USP24: variants seen among roughly 807,000 people sequenced by gnomAD.
The protein encoded by USP24 is ubiquitin specific peptidase 24.
USP24 carries 97 observed loss-of-function variants against 361.6 expected under a neutral mutation model. That is an observed-to-expected ratio of 0.27 (90% CI 0.23 to 0.32). The LOEUF is 0.32. USP24 is among the 10% of genes least tolerant of loss of function. The pLI, the probability that USP24 is intolerant of heterozygous loss-of-function variation, is 1.00. For synonymous variants in USP24, 1,098 were observed against 1,124.6 expected (o/e 0.98, Z 0.47); for missense variants, 2,353 against 3,165.6 (o/e 0.74, Z 6.16).
At chr1:55,174,404 G>C (rs149201426) in intron 3 of USP24, among the ~76,000 whole-genome samples, 1 of 152,154 alleles carries the variant, frequency 6.6e-6, no homozygotes, top group Non-Finnish European at 1.5e-5. Flanking sequence ...TTGACGGGGA[G>C]GAGAACCTTT....
At chr1:55,199,253 C>G (rs1160213790) in intron 1 of USP24, among the ~76,000 whole-genome samples, 1 of 151,822 alleles carries the variant, frequency 6.6e-6, no homozygotes, top group East Asian at 1.9e-4. Flanking sequence ...TGCACCACTG[C>G]ACTTTAGCTT....
intron 38 of USP24, among the ~76,000 whole-genome samples, chr1:55,115,230 GA>G (rs1254375550): frequency 6.6e-6 from 1 of 151,930 alleles, no homozygotes; most frequent in Admixed American, 6.6e-5. Flanking sequence ...CATTAAAAAG[GA>G]AACAAGGCCG....
intron 5 of USP24, among the ~76,000 whole-genome samples, chr1:55,170,371 G>A (rs1649322908): frequency 1.3e-5 from 2 of 152,136 alleles, no homozygotes; most frequent in Non-Finnish European, 2.9e-5. Flanking sequence ...AACATCTGCT[G>A]AGCGCTCACT....
rs191149870 is a variant in USP24, at chr1:55,129,583, C to G, written c.3538-9G>C. The G allele has an allele frequency of 6.2e-7, 1 of 1,608,468 alleles. No homozygotes were observed. Among genetic ancestry groups the G allele is most frequent in the East Asian group, 2.2e-5 (1 of 44,832 alleles). On this transcript the variant is annotated splice_polypyrimidine_tract_variant and intron_variant, in intron 31 of 67. Transcript: ENST00000294383. Reference sequence around the variant, plus strand: ...AGTTTGGAGCTTAGAACCTAGGGAACAGATAAGCACAATTATTCATCCACA... The same window carrying G: ...AGTTTGGAGCTTAGAACCTAGGGAAGAGATAAGCACAATTATTCATCCACA...
chr1:55,193,863 T>C (rs2100888199), intron 1 of USP24, among the ~76,000 whole-genome samples: 1 of 152,306 alleles, frequency 6.6e-6, no homozygotes, highest in South Asian at 2.1e-4. Flanking sequence ...GTCACATTTC[T>C]TATGGTCACT....
chr1:55,180,774 G>A (rs1050590407), intron 1 of USP24, among the ~76,000 whole-genome samples: 8 of 152,122 alleles, frequency 5.3e-5, no homozygotes, highest in Non-Finnish European at 8.8e-5. Context: ...ACTACTCACA[G>A]GTGTAATTTT....
Position 55,208,457 on chromosome 1 carries a change from G to A in USP24, c.324+6333C>T, listed in dbSNP as rs190885824. Among the ~76,000 whole-genome samples the A allele has an allele frequency of 3.4e-3, 489 of 145,692 alleles. 3 individuals carry two copies. The highest frequency in any genetic ancestry group is 0.012 in the African/African-American group (469 of 39,294). ...AGCCTGGCCAACATGGTGAAACCCC[G>A]TCTCTACTGAAAATATGAAAATTAG... On this transcript the variant is annotated intron_variant, in intron 1 of 67. Transcript: ENST00000294383.
At chr1:55,083,244 C>T (rs1418860473) in intron 58 of USP24, 28 bp downstream of exon 58, 1 of 1,604,682 alleles carries the variant, frequency 6.2e-7, no homozygotes, top group Admixed American at 1.7e-5. Flanking sequence ...CATAGCTATT[C>T]CACTAGGGAT....
chr1:55,119,061 C>T (rs975607710), intron 38 of USP24, among the ~76,000 whole-genome samples: 1 of 152,188 alleles, frequency 6.6e-6, no homozygotes, highest in Non-Finnish European at 1.5e-5. Context: ...CTAGCAATTC[C>T]ACTTCTGGGT....
At chr1:55,106,052 T>C (rs1029580464) in intron 41 of USP24, 94 bp downstream of exon 41, 43 of 952,428 alleles carry the variant, frequency 4.5e-5, no homozygotes, top group Middle Eastern at 4.2e-4. Flanking sequence ...GACTCACAGA[T>C]GGAAGACAAA....
intron 33 of USP24, 42 bp downstream of exon 33, chr1:55,125,621 T>A (rs1314352438): frequency 6.3e-7 from 1 of 1,576,564 alleles, no homozygotes; most frequent in Non-Finnish European, 8.6e-7. Flanking sequence ...GAAGAAAAAG[T>A]CAAGTATTGC....
chr1:55,204,621 T>C (rs1644658868), intron 1 of USP24, among the ~76,000 whole-genome samples: 1 of 152,206 alleles, frequency 6.6e-6, no homozygotes, highest in African/African-American at 2.4e-5. Context: ...TCAAGACCTC[T>C]CTCTAGCTTC....
At chr1:55,143,268 T>C in intron 21 of USP24, 149 bp from the exon 22 acceptor site, 1 of 612,232 alleles carries the variant, frequency 1.6e-6, no homozygotes, top group Non-Finnish European at 2.6e-6. Flanking sequence ...ATGAAAATAA[T>C]ATTATACTGA....
intron 23 of USP24, among the ~76,000 whole-genome samples, chr1:55,142,196 T>A (rs1322194492): frequency 2.6e-5 from 4 of 152,162 alleles, no homozygotes; most frequent in African/African-American, 4.8e-5. Context: ...CTTAAGCATA[T>A]CAACTGAATA....
chr1:55,145,543 G>A (rs1166362203), intron 20 of USP24, among the ~76,000 whole-genome samples: 1 of 152,114 alleles, frequency 6.6e-6, no homozygotes, highest in Non-Finnish European at 1.5e-5. Context: ...GTTTATTTTT[G>A]GGGTAATGAA....
intron 1 of USP24, among the ~76,000 whole-genome samples, chr1:55,187,425 G>C (rs557612862): frequency 1.3e-5 from 2 of 152,148 alleles, no homozygotes; most frequent in Non-Finnish European, 2.9e-5. Context: ...ATTCAACACT[G>C]CACTGGAGTG....
At chr1:55,169,326 C>G (rs1649214692) in intron 5 of USP24, among the ~76,000 whole-genome samples, 2 of 151,960 alleles carry the variant, frequency 1.3e-5, no homozygotes, top group African/African-American at 4.8e-5. Flanking sequence ...TTAAGGGTCA[C>G]AGAGGACAGA....
Position 55,077,399 on chromosome 1 carries a change from C to T in USP24, c.7315-99G>A, listed in dbSNP as rs527490938. The T allele has an allele frequency of 7.2e-4, 796 of 1,100,362 alleles. 4 individuals carry two copies. The highest frequency in any genetic ancestry group is 3.0e-3 in the South Asian group (174 of 57,580). 68.2% of individuals were successfully genotyped at this position (1,100,362 alleles called of 1,614,324 possible). ...ACGTTCTAGCTCTATCACCTTCTGG[C>T]CGACCCTGGACAAGTCAATACTGCT... On this transcript the variant is annotated intron_variant, in intron 61 of 67. Coordinates refer to ENST00000294383, the MANE Select transcript of USP24 (RefSeq NM_015306.3).
At chr1:55,211,041 G>C (rs926538292) in intron 1 of USP24, among the ~76,000 whole-genome samples, 1 of 152,144 alleles carries the variant, frequency 6.6e-6, no homozygotes, top group Non-Finnish European at 1.5e-5. Flanking sequence ...GTTAAGTTCT[G>C]TGAGATGCAC....
Sources: gnomAD v4.1 joint callset for allele counts (sites outside exome capture counted in the v4.1 genomes callset) on GRCh38, gnomAD v4.1.1 for gene constraint, MANE v1.5 for transcripts, NCBI Gene and HGNC (gene_info 2026-07-23, HGNC 2026-07-21) for gene names.